NTM: variants seen among roughly 807,000 people sequenced by gnomAD.
NTM encodes the protein neurotrimin.
In NTM, 13 loss-of-function variants were observed where a neutral mutation model predicts 42.1. The ratio of observed to expected loss-of-function variants is 0.31; its 90% CI spans 0.20 to 0.49. The LOEUF is 0.49. NTM is among the 20% of genes least tolerant of loss of function. The pLI is 0.99. For synonymous variants in NTM, 187 were observed against 179.2 expected, an observed-to-expected ratio of 1.04 and a Z score of -0.35; for missense variants, 373 against 452.8, an observed-to-expected ratio of 0.82 and a Z score of 1.60.
At chr11:131,903,153 G>A (rs1000313162) in intron 1 of NTM, among the ~76,000 whole-genome samples, 5 of 152,074 alleles carry the variant, frequency 3.3e-5, no homozygotes, top group African/African-American at 4.8e-5. Context: ...ATAGGGCCGC[G>A]GAAAGTTAAA....
In NTM at chr11:132,023,717, TTTG is replaced by T. The variant is rs930658777; in HGVS notation, c.167+112082_167+112084del. On this transcript the variant is annotated intron_variant, in intron 2 of 8. Coordinates refer to ENST00000683400, the MANE Select transcript of NTM (RefSeq NM_001352005.2). ...GATATGCTTTGTTGTTGTTGTTGGTTTTGTTGTTGTTGTTGGTTTTGTTGTTGG... is the reference window on the plus strand; with the variant it reads ...GATATGCTTTGTTGTTGTTGTTGGTTTTGTTGTTGTTGGTTTTGTTGTTGG... 1.6e-4 allele frequency among the ~76,000 whole-genome samples: 25 copies of T among 151,824 alleles called. 1 individual carries two copies. The highest frequency in any genetic ancestry group is 5.6e-4 in the African/African-American group (23 of 41,380).
chr11:132,168,818 G>T (rs186876866), intron 3 of NTM, among the ~76,000 whole-genome samples: 1 of 152,282 alleles, frequency 6.6e-6, no homozygotes, highest in Admixed American at 6.5e-5. Flanking sequence ...GGAGCCCGGA[G>T]TTGAGAAGGA....
At chr11:132,271,283 T>G (rs2093463709) in intron 4 of NTM, among the ~76,000 whole-genome samples, 1 of 152,232 alleles carries the variant, frequency 6.6e-6, no homozygotes, top group South Asian at 2.1e-4. Context: ...CACATTTTGT[T>G]TATCCATTCA....
In NTM at chr11:131,431,866, G is replaced by T. The variant is rs188193277; in HGVS notation, c.82+60978G>T. On this transcript the variant is annotated intron_variant, in intron 1 of 8. Coordinates refer to ENST00000683400, the MANE Select transcript of NTM (RefSeq NM_001352005.2). ...GGGAGTTTCCTCACAGTCCAGCAAAGAATCCCACTCCCTACCCCTCCCCAT... is the reference window on the plus strand; with the variant it reads ...GGGAGTTTCCTCACAGTCCAGCAAATAATCCCACTCCCTACCCCTCCCCAT... Among the ~76,000 whole-genome samples the T allele has an allele frequency of 2.5e-4, 38 of 151,980 alleles. No homozygotes were observed. The East Asian group carries it at 7.2e-3, about 29-fold the overall frequency.
At position 132,070,308 on chromosome 11, in the gene NTM, A is replaced by C. The variant is rs1381299397; in HGVS notation, c.168-75974A>C. ...GTCACACAGCCAAGTTAACACGTCAAACTGACGATCACAGGTTAGTTTACA... is the reference window on the plus strand; with the variant it reads ...GTCACACAGCCAAGTTAACACGTCACACTGACGATCACAGGTTAGTTTACA... On this transcript the variant is annotated intron_variant, in intron 2 of 8. Coordinates refer to ENST00000683400, the MANE Select transcript of NTM (RefSeq NM_001352005.2). 4.2e-5 allele frequency among the ~76,000 whole-genome samples: 6 copies of C among 142,560 alleles called. 1 individual carries two copies. Among genetic ancestry groups the C allele is most frequent in the Non-Finnish European group, 9.3e-5 (6 of 64,754 alleles). 93.5% of individuals were successfully genotyped at this position (142,560 alleles called of 152,430 possible).
At chr11:132,008,899 A>T (rs2071441174) in intron 2 of NTM, among the ~76,000 whole-genome samples, 1 of 130,874 alleles carries the variant, frequency 7.6e-6, no homozygotes, top group African/African-American at 2.9e-5. Flanking sequence ...GAGCCCTAGG[A>T]GTTTCTTTTC....
In NTM at chr11:132,227,806, A is replaced by G. The variant is rs940612836; in HGVS notation, c.526+15659A>G. On this transcript the variant is annotated intron_variant, in intron 4 of 8. Transcript: ENST00000683400. ...TCTGGAAGTGAGACTATCTGCTGCC[A>G]GCCCTAATGAGGATTCCACTGGGGA... is the stretch of plus-strand genomic sequence containing the variant. 3.9e-5 allele frequency among the ~76,000 whole-genome samples: 6 copies of G among 152,232 alleles called. No homozygotes were observed. The East Asian group carries it at 1.2e-3, about 29-fold the overall frequency.
intron 2 of NTM, among the ~76,000 whole-genome samples, chr11:132,001,199 G>A (rs2069154469): frequency 6.6e-6 from 1 of 152,218 alleles, no homozygotes; most frequent in Non-Finnish European, 1.5e-5. Context: ...GTCCCTTTAA[G>A]TTTAGCAAAT....
chr11:131,422,953 C>A (rs1253274507), intron 1 of NTM, among the ~76,000 whole-genome samples: 1 of 152,160 alleles, frequency 6.6e-6, no homozygotes, highest in Non-Finnish European at 1.5e-5. Flanking sequence ...AGAAAATAAT[C>A]AATAACAAGA....
chr11:131,710,337 C>A lies in NTM; in HGVS notation c.83-201227C>A, dbSNP rs565453741. Among the ~76,000 whole-genome samples the A allele has an allele frequency of 7.2e-5, 11 of 152,240 alleles. No individual in the cohort carries two copies. In the South Asian group the frequency reaches 2.3e-3, roughly 32 times the overall value. ...CCATGATATCTTGTTGTATGCAGTG[C>A]ATAACACCAAGAATATTTAAGGTGA... On this transcript the variant is annotated intron_variant, in intron 1 of 8. Coordinates refer to ENST00000683400, the MANE Select transcript of NTM (RefSeq NM_001352005.2).
At chr11:132,330,101 C>A in intron 7 of NTM, 52 bp from the exon 8 acceptor site, 1 of 1,549,370 alleles carries the variant, frequency 6.5e-7, no homozygotes, top group Non-Finnish European at 8.7e-7. Flanking sequence ...GCAAAGTGAG[C>A]ATCTCCGTCT....
chr11:131,894,157 C>A (rs1361957251), intron 1 of NTM, among the ~76,000 whole-genome samples: 1 of 152,202 alleles, frequency 6.6e-6, no homozygotes, highest in East Asian at 1.9e-4. Context: ...GGGAAATACT[C>A]TGTGAGCACT....
chr11:131,487,474 A>T (rs1026910096), intron 1 of NTM, among the ~76,000 whole-genome samples: 1 of 152,212 alleles, frequency 6.6e-6, no homozygotes, highest in Non-Finnish European at 1.5e-5. Context: ...TAAACCCCCA[A>T]TTGAAATCCA....
At chr11:131,508,924 T>C (rs951340349) in intron 1 of NTM, among the ~76,000 whole-genome samples, 7 of 149,318 alleles carry the variant, frequency 4.7e-5, no homozygotes, top group Admixed American at 3.3e-4. Context: ...CTGGGAGATA[T>C]ACCTAATGCT....
intron 1 of NTM, among the ~76,000 whole-genome samples, chr11:131,546,432 T>C (rs1317163224): frequency 6.6e-6 from 1 of 152,134 alleles, no homozygotes; most frequent in African/African-American, 2.4e-5. Context: ...GAGACCTGCT[T>C]TTACTTTCAC....
chr11:131,401,831 T>TATATATATATATATATAC, intron 1 of NTM, among the ~76,000 whole-genome samples: 1 of 94,028 alleles, frequency 1.1e-5, no homozygotes, highest in East Asian at 3.3e-4. Context: ...TATATATATA[T>TATATATATATATATATAC]ATATATATAT....
rs75982902 is a variant in NTM, at chr11:131,626,334, G to A, written c.82+255446G>A. Among the ~76,000 whole-genome samples, 604 of 152,194 alleles carry A rather than the reference G, an allele frequency of 4.0e-3. 5 individuals carry two copies. Among genetic ancestry groups the A allele is most frequent in the African/African-American group, 0.013 (556 of 41,522 alleles). On this transcript the variant is annotated intron_variant, in intron 1 of 8. Coordinates refer to ENST00000683400, the MANE Select transcript of NTM (RefSeq NM_001352005.2). Reference sequence around the variant, plus strand: ...AATACTACAAACGTATATGATATACGTAATTACTAATATACAAACGTATAT... The same window carrying A: ...AATACTACAAACGTATATGATATACATAATTACTAATATACAAACGTATAT...
At chr11:131,545,747 G>A (rs1057416105) in intron 1 of NTM, among the ~76,000 whole-genome samples, 2 of 152,226 alleles carry the variant, frequency 1.3e-5, no homozygotes, top group Non-Finnish European at 2.9e-5. Flanking sequence ...CCTAAAGCAA[G>A]TGACCTTTGG....
intron 4 of NTM, 88 bp from the exon 5 acceptor site, chr11:132,307,601 A>G: frequency 6.4e-7 from 1 of 1,561,272 alleles, no homozygotes; most frequent in Non-Finnish European, 8.7e-7. Context: ...ATCTGCAGAC[A>G]TAACCATTTT....
Sources: allele counts gnomAD v4.1 joint callset (sites outside exome capture counted in the v4.1 genomes callset), GRCh38; gene constraint gnomAD v4.1.1; transcripts MANE v1.5; gene names NCBI Gene and HGNC (gene_info 2026-07-23, HGNC 2026-07-21).